Variants in IL10RB observed in about 807,000 individuals in gnomAD.
IL10RB encodes interleukin-10 receptor subunit beta.
A neutral mutation model predicts 38.7 loss-of-function variants in IL10RB; 30 were observed. That is an observed-to-expected ratio of 0.78 (90% confidence interval 0.58 to 1.05). The LOEUF (loss-of-function observed/expected upper bound fraction) is 1.05, where lower values mean the gene tolerates loss of function less well. Among genes scored for constraint, IL10RB ranks in the 50% least tolerant of loss-of-function variants. IL10RB has a pLI of 0.00. For missense variants in IL10RB, 328 were observed against 397.1 expected (o/e 0.83, Z 1.48); for synonymous variants, 142 against 145.9 (o/e 0.97, Z 0.19).
downstream of IL10RB, among the ~76,000 whole-genome samples, chr21:33,299,259 T>C (rs1053686612): frequency 6.6e-6 from 1 of 152,134 alleles, no homozygotes; most frequent in Non-Finnish European, 1.5e-5. Context: ...CATAAGACAA[T>C]GAATCTTGGG....
At chr21:33,294,391 G>A (rs1001749653) in intron 6 of IL10RB, among the ~76,000 whole-genome samples, 2 of 35,134 alleles carry the variant, frequency 5.7e-5, no homozygotes, top group East Asian at 5.4e-4. Context: ...GTGTGTGTGC[G>A]TGTGTGTGTG....
chr21:33,304,580 G>A (rs1461495787), intron 1 of IL10RB, among the ~76,000 whole-genome samples: 1 of 152,230 alleles, frequency 6.6e-6, no homozygotes, highest in Non-Finnish European at 1.5e-5. Flanking sequence ...AAGCTTGCAA[G>A]GATCCCAAAT....
At chr21:33,276,213 C>T (rs776327932) in intron 2 of IL10RB, among the ~76,000 whole-genome samples, 1 of 152,156 alleles carries the variant, frequency 6.6e-6, no homozygotes, top group Non-Finnish European at 1.5e-5. Flanking sequence ...TATCTTAGGG[C>T]ATCAACGTTG....
At chr21:33,303,971 G>A (rs775091146) in intron 1 of IL10RB, among the ~76,000 whole-genome samples, 4 of 152,214 alleles carry the variant, frequency 2.6e-5, no homozygotes, top group Non-Finnish European at 5.9e-5. Flanking sequence ...GAGGAAATGA[G>A]TAGGATGGAG....
In IL10RB at chr21:33,266,403, T is replaced by A; in HGVS notation, c.-63T>A. 6.6e-7 allele frequency: 1 copy of A among 1,516,680 alleles called. No individual in the cohort carries two copies. The highest frequency in any genetic ancestry group is 1.2e-5 in the South Asian group (1 of 82,924). 94.0% of individuals were successfully genotyped at this position (1,516,680 alleles called of 1,614,324 possible). On this transcript the variant is annotated 5_prime_UTR_variant, in exon 1 of 7. Coordinates refer to ENST00000290200, the MANE Select transcript of IL10RB (RefSeq NM_000628.5). Reference sequence around the variant, plus strand: ...TTCCCGGAAGCCGCCGCGGACAAGCTCTCCCGGGCGCGGGCGGGGGTCGTG... The same window carrying A: ...TTCCCGGAAGCCGCCGCGGACAAGCACTCCCGGGCGCGGGCGGGGGTCGTG...
chr21:33,273,378 G>A (rs1004191090), intron 2 of IL10RB, among the ~76,000 whole-genome samples: 3 of 152,166 alleles, frequency 2.0e-5, no homozygotes, highest in African/African-American at 7.2e-5. Context: ...CATTAAGTGT[G>A]TGATAGCGTT....
chr21:33,309,607 G>T (rs971978224), exon 2 of IL10RB: 2 of 152,152 alleles, frequency 1.3e-5, no homozygotes, highest in Non-Finnish European at 2.9e-5. Flanking sequence ...AAAAAATTGT[G>T]ACCTGCATAT....
At chr21:33,298,823 C>T (rs8178578), downstream of IL10RB, among the ~76,000 whole-genome samples, 23,658 of 152,100 alleles carry the variant, frequency 0.16, 2,378 homozygotes, top group East Asian at 0.36. Context: ...CAGGTGAATG[C>T]GGCAGCTGTG....
intron 3 of IL10RB, among the ~76,000 whole-genome samples, chr21:33,277,203 G>A (rs1417401031): frequency 6.6e-6 from 1 of 152,090 alleles, no homozygotes; most frequent in Non-Finnish European, 1.5e-5. Flanking sequence ...GAGGGATAGG[G>A]CTGATGGCAG....
chr21:33,305,255 C>T (rs969604686), intron 1 of IL10RB, among the ~76,000 whole-genome samples: 2 of 152,082 alleles, frequency 1.3e-5, no homozygotes, highest in South Asian at 4.1e-4. Flanking sequence ...ACTACCGATG[C>T]GCACCACCAC....
At chr21:33,291,273 T>TG (rs2123597992) in intron 6 of IL10RB, among the ~76,000 whole-genome samples, 1 of 50,556 alleles carries the variant, frequency 2.0e-5, no homozygotes, top group East Asian at 3.1e-4. Flanking sequence ...TATGAATTTC[T>TG]TTTTTTTTTG....
chr21:33,266,808 C>T (rs1296853412), intron 1 of IL10RB, among the ~76,000 whole-genome samples: 3 of 152,146 alleles, frequency 2.0e-5, no homozygotes, highest in African/African-American at 4.8e-5. Context: ...TCTCTGCTGG[C>T]GGGCGTCTAA....
intron 5 of IL10RB, among the ~76,000 whole-genome samples, chr21:33,287,427 C>T (rs1298625627): frequency 6.6e-6 from 1 of 152,042 alleles, no homozygotes; most frequent in African/African-American, 2.4e-5. Context: ...ACAATCATAG[C>T]TCACTATCAC....
intron 1 of IL10RB, among the ~76,000 whole-genome samples, chr21:33,303,032 C>G (rs942122006): frequency 6.6e-6 from 1 of 152,192 alleles, no homozygotes; most frequent in Non-Finnish European, 1.5e-5. Flanking sequence ...CACCTGTGTT[C>G]CCAGCCTTGC....
Position 33,288,163 on chromosome 21 carries a change from C to T in IL10RB, c.706C>T (p.Leu236=). 1 of 1,614,146 alleles carries T rather than the reference C, an allele frequency of 6.2e-7. No individual in the cohort carries two copies. Among genetic ancestry groups the T allele is most frequent in the Non-Finnish European group, 8.5e-7 (1 of 1,180,004 alleles). The change falls in exon 6 of 7, where the codon CTG becomes TTG. Residue 236 remains leucine, a synonymous_variant. Coordinates refer to ENST00000290200, the MANE Select transcript of IL10RB (RefSeq NM_000628.5). ...CATGGCCTCGGTCTTCATGGTCTGC[C>T]TGGCACTCCTCGGCTGCTTCGCCTT... ...ILMASVFMVC[L]ALLGCFALLW... is the part of the protein sequence containing the mutation.
chr21:33,296,077 T>A (rs2082964602), intron 6 of IL10RB, 107 bp from the exon 7 acceptor site: 1 of 763,880 alleles, frequency 1.3e-6, no homozygotes, highest in Non-Finnish European at 2.1e-6. Flanking sequence ...AATAAATAAA[T>A]AAAATAAAAT....
chr21:33,288,852 T>C (rs1989430402), intron 6 of IL10RB, among the ~76,000 whole-genome samples: 2 of 152,216 alleles, frequency 1.3e-5, no homozygotes, highest in Middle Eastern at 6.8e-3. Context: ...TCACTGACAC[T>C]AGAGAATGAA....
intron 1 of IL10RB, among the ~76,000 whole-genome samples, chr21:33,304,481 C>T (rs578230640): frequency 2.0e-5 from 3 of 152,306 alleles, no homozygotes; most frequent in Non-Finnish European, 2.9e-5. Flanking sequence ...GATTACACAC[C>T]GTCCCTCAAG....
At chr21:33,288,070 G>A (rs371924585) in intron 5 of IL10RB, 34 bp from the exon 6 acceptor site, 11 of 1,609,024 alleles carry the variant, frequency 6.8e-6, no homozygotes, top group Admixed American at 1.7e-5. Context: ...CCCGACCTGT[G>A]ACAAGAATGT....
Sources: gnomAD v4.1 joint callset for allele counts (sites outside exome capture counted in the v4.1 genomes callset) on GRCh38, gnomAD v4.1.1 for gene constraint, MANE v1.5 for transcripts, NCBI Gene and HGNC (gene_info 2026-07-23, HGNC 2026-07-21) for gene names.